The following TRPM3 variants were observed in gnomAD, a reference collection of about 807,000 sequenced individuals.
The protein encoded by TRPM3 is long transient receptor potential channel 3.
TRPM3 carries 77 observed loss-of-function variants against 181.2 expected under a neutral mutation model. That is an observed-to-expected ratio of 0.42 (90% CI 0.35 to 0.51). TRPM3 has a LOEUF of 0.51. Among genes scored for constraint, TRPM3 ranks in the 20% least tolerant of loss-of-function variants. TRPM3 has a pLI of 0.01. For missense variants in TRPM3, 1,759 were observed against 2,196.7 expected, an observed-to-expected ratio of 0.80 and a Z score of 3.98; for synonymous variants, 745 against 796.4, an observed-to-expected ratio of 0.94 and a Z score of 1.09.
chr9:70,755,511 C>G (rs1471644759), intron 8 of TRPM3, among the ~76,000 whole-genome samples: 1 of 151,878 alleles, frequency 6.6e-6, no homozygotes, highest in Non-Finnish European at 1.5e-5. Context: ...GCTGGGATTA[C>G]AGGCATGCAC....
chr9:70,937,329 C>T (rs1439648251), intron 1 of TRPM3, among the ~76,000 whole-genome samples: 2 of 152,144 alleles, frequency 1.3e-5, no homozygotes, highest in Non-Finnish European at 2.9e-5. Context: ...TCTTTCATCT[C>T]CCTCTTTGGC....
At chr9:70,698,934 T>C (rs1302590370) in intron 8 of TRPM3, among the ~76,000 whole-genome samples, 1 of 152,206 alleles carries the variant, frequency 6.6e-6, no homozygotes, top group African/African-American at 2.4e-5. Context: ...TGTGGAACCA[T>C]GAGCCAATTA....
At chr9:71,159,861 C>G (rs532904569) in intron 1 of TRPM3, among the ~76,000 whole-genome samples, 1 of 152,254 alleles carries the variant, frequency 6.6e-6, no homozygotes, top group East Asian at 1.9e-4. Context: ...TGAATCACCA[C>G]AGCCCTTCTA....
intron 1 of TRPM3, among the ~76,000 whole-genome samples, chr9:70,927,844 G>T (rs1466238548): frequency 6.6e-6 from 1 of 152,136 alleles, no homozygotes; most frequent in African/African-American, 2.4e-5. Flanking sequence ...AGTTTAAGCT[G>T]CCTCCTGTCT....
intron 1 of TRPM3, among the ~76,000 whole-genome samples, chr9:70,918,303 C>T (rs2096621772): frequency 6.6e-6 from 1 of 152,128 alleles, no homozygotes; most frequent in Admixed American, 6.5e-5. Flanking sequence ...ACACTTCATC[C>T]AATGGATGTA....
chr9:71,177,888 G>C (rs1180489620), intron 1 of TRPM3, among the ~76,000 whole-genome samples: 2 of 148,692 alleles, frequency 1.3e-5, no homozygotes, highest in Non-Finnish European at 3.0e-5. Context: ...ACTATAGGGA[G>C]CTGTATTTTT....
rs2133287428 is a variant in TRPM3 at position 70,625,542 on chromosome 9, T to A, written c.1633-25A>T. On this transcript the variant is annotated intron_variant, in intron 12 of 25. Coordinates refer to ENST00000677713, the MANE Select transcript of TRPM3 (RefSeq NM_001366145.2). This position sits in a 1 kb window ranked among gnomAD's most constrained non-coding sequence, Gnocchi z 4.8. Reference sequence around the variant, plus strand: ...GCTTGGAAAGAAGACATAAGTTAAATAAGAAGATGCAGTAATCGTCGGCAA... The same window carrying A: ...GCTTGGAAAGAAGACATAAGTTAAAAAAGAAGATGCAGTAATCGTCGGCAA... The A allele has an allele frequency of 1.2e-6, 2 of 1,605,058 alleles. No individual in the cohort carries two copies. The highest frequency in any genetic ancestry group is 3.3e-4 in the Middle Eastern group (2 of 5,990).
chr9:71,349,224 C>G (rs2091463261), intron 1 of TRPM3, among the ~76,000 whole-genome samples: 1 of 152,190 alleles, frequency 6.6e-6, no homozygotes, highest in Non-Finnish European at 1.5e-5. Flanking sequence ...AATTACCTCT[C>G]TACTATCCAA....
At chr9:70,938,671 T>C (rs1417674237) in intron 1 of TRPM3, among the ~76,000 whole-genome samples, 2 of 152,076 alleles carry the variant, frequency 1.3e-5, no homozygotes, top group African/African-American at 2.4e-5. Context: ...CATTCATTTC[T>C]TTTGGGCGCG....
chr9:70,878,254 CTTTAA>C (rs2095908726), intron 1 of TRPM3, among the ~76,000 whole-genome samples: 1 of 152,038 alleles, frequency 6.6e-6, no homozygotes, highest in Non-Finnish European at 1.5e-5. Context: ...ATGCAGAAGT[CTTTAA>C]TTTATCAAGA....
chr9:70,688,247 T>C (rs1353510443), intron 8 of TRPM3, among the ~76,000 whole-genome samples: 2 of 152,118 alleles, frequency 1.3e-5, no homozygotes, highest in Non-Finnish European at 2.9e-5. Context: ...AAGCTAAAAA[T>C]TCTTAGCAGG....
At chr9:71,249,327 T>C (rs972806701) in intron 1 of TRPM3, among the ~76,000 whole-genome samples, 15 of 152,370 alleles carry the variant, frequency 9.8e-5, no homozygotes, top group African/African-American at 2.6e-4. Context: ...AACCAAACTC[T>C]ACATTGGAGC....
chr9:70,925,849 C>G (rs1282911691), intron 1 of TRPM3, among the ~76,000 whole-genome samples: 3 of 151,998 alleles, frequency 2.0e-5, no homozygotes, highest in Non-Finnish European at 4.4e-5. Context: ...AGAACATCCT[C>G]TTTCCTGGGT....
At chr9:71,390,516 T>C (rs1380687005) in intron 1 of TRPM3, among the ~76,000 whole-genome samples, 1 of 152,050 alleles carries the variant, frequency 6.6e-6, no homozygotes, top group Non-Finnish European at 1.5e-5. Context: ...TTCTCCTTTC[T>C]ACCAGTTTCA....
intron 22 of TRPM3, among the ~76,000 whole-genome samples, chr9:70,558,945 T>C (rs2048392666): frequency 6.6e-6 from 1 of 152,240 alleles, no homozygotes; most frequent in African/African-American, 2.4e-5. Flanking sequence ...AATAGATGAT[T>C]GGGCTCTGGA....
chr9:71,001,878 T>C (rs116568388), intron 1 of TRPM3, among the ~76,000 whole-genome samples: 62 of 152,330 alleles, frequency 4.1e-4, no homozygotes, highest in African/African-American at 1.4e-3. Context: ...GTGAAAGATA[T>C]AGAGGCTACA....
At chr9:70,666,087 A>G (rs960582804) in intron 9 of TRPM3, among the ~76,000 whole-genome samples, 1 of 152,234 alleles carries the variant, frequency 6.6e-6, no homozygotes, top group Non-Finnish European at 1.5e-5. Flanking sequence ...GATGGCTTCC[A>G]AGGAACCGTA....
intron 1 of TRPM3, among the ~76,000 whole-genome samples, chr9:71,074,026 G>A (rs1439128025): frequency 6.6e-6 from 1 of 152,100 alleles, no homozygotes; most frequent in Admixed American, 6.6e-5. Flanking sequence ...GAGCTTTTCA[G>A]TCATAATAAG....
rs1327127844 is a variant in TRPM3 at position 71,008,308 on chromosome 9, GCTA to G, written c.177+112867_177+112869del. On this transcript the variant is annotated intron_variant, in intron 1 of 25. Coordinates refer to ENST00000677713, the MANE Select transcript of TRPM3 (RefSeq NM_001366145.2). ...TTAAAGAAAAGCCCAGAACCTGATG[GCTA>G]CACCACTGAATTCTACCAAACATTT... 4.6e-5 allele frequency among the ~76,000 whole-genome samples: 7 copies of G among 152,094 alleles called. No individual in the cohort carries two copies. The East Asian group carries it at 9.7e-4, about 21-fold the overall frequency.
Sources: allele counts gnomAD v4.1 joint callset (sites outside exome capture counted in the v4.1 genomes callset), GRCh38; gene constraint gnomAD v4.1.1; non-coding constraint Gnocchi (gnomAD v3.1); transcripts MANE v1.5; gene names NCBI Gene and HGNC (gene_info 2026-07-23, HGNC 2026-07-21).